Variants in RPE observed in about 807,000 individuals in gnomAD.
RPE encodes ribulose-5-phosphate-3-epimerase.
A neutral mutation model predicts 24.6 loss-of-function variants in RPE; 16 were observed. The ratio of observed to expected loss-of-function variants is 0.65; its 90% confidence interval spans 0.44 to 0.99. The LOEUF is 0.99. Ranked by LOEUF, RPE falls within the 50% of genes least tolerant of loss-of-function variation. RPE has a pLI of 0.00. For synonymous variants in RPE, 93 were observed against 98.4 expected, an observed-to-expected ratio of 0.94 and a Z score of 0.33; for missense variants, 240 against 294.5, an observed-to-expected ratio of 0.81 and a Z score of 1.35.
intron 4 of RPE, 85 bp downstream of exon 4, chr2:210,016,726 C>A: frequency 6.3e-7 from 1 of 1,581,066 alleles, no homozygotes; most frequent in Non-Finnish European, 8.6e-7. Context: ...TATATTTAGG[C>A]ATAACCTGTT....
chr2:210,004,236 T>G (rs2093600866), intron 1 of RPE, among the ~76,000 whole-genome samples: 1 of 152,178 alleles, frequency 6.6e-6, no homozygotes, highest in Non-Finnish European at 1.5e-5. Flanking sequence ...TATGTTTGAG[T>G]AAGTTAATGG....
Position 210,022,070 on chromosome 2 carries a change from G to GTCT in RPE, c.*2283_*2285dup, listed in dbSNP as rs1435159179. On this transcript the variant is annotated 3_prime_UTR_variant, in exon 6 of 6. Coordinates refer to ENST00000359429, the MANE Select transcript of RPE (RefSeq NM_199229.3). ...GTTTGTGGCTCATTTTAAAACTGGTGTCTTCTCTTCATGAGACACATTAAT... is the reference window on the plus strand; with the variant it reads ...GTTTGTGGCTCATTTTAAAACTGGTGTCTTCTTCTCTTCATGAGACACATTAAT... 3 of 146,620 alleles carry GTCT rather than the reference G, an allele frequency of 2.0e-5. No homozygotes were observed. The highest frequency in any genetic ancestry group is 4.5e-5 in the Non-Finnish European group (3 of 67,164). 9.1% of individuals were successfully genotyped at this position (146,620 alleles called of 1,614,324 possible).
intron 2 of RPE, among the ~76,000 whole-genome samples, chr2:210,014,454 G>T (rs1160570169): frequency 6.6e-6 from 1 of 152,102 alleles, no homozygotes; most frequent in Non-Finnish European, 1.5e-5. Flanking sequence ...AGAAACACCA[G>T]ATTTAATACA....
chr2:210,008,852 C>T (rs2125063315), intron 1 of RPE, among the ~76,000 whole-genome samples: 1 of 152,096 alleles, frequency 6.6e-6, no homozygotes, highest in East Asian at 1.9e-4. Context: ...CATGCCACCA[C>T]TCCCAGCTAA....
chr2:210,017,102 C>T (rs143731616), intron 4 of RPE, among the ~76,000 whole-genome samples: 1 of 152,152 alleles, frequency 6.6e-6, no homozygotes, highest in Non-Finnish European at 1.5e-5. Context: ...CCTTGGTCTG[C>T]CAAAGTGTTG....
intron 2 of RPE, among the ~76,000 whole-genome samples, chr2:210,012,894 T>A (rs1051345335): frequency 6.6e-6 from 1 of 152,240 alleles, no homozygotes; most frequent in Non-Finnish European, 1.5e-5. Context: ...TCTGTCACTA[T>A]TTGTAAGATG....
intron 2 of RPE, among the ~76,000 whole-genome samples, chr2:210,015,010 T>G (rs2093750936): frequency 6.6e-6 from 1 of 152,226 alleles, no homozygotes; most frequent in African/African-American, 2.4e-5. Context: ...TTTATATGAA[T>G]CAAGCTTTAG....
chr2:210,011,962 G>A (rs934085943), intron 2 of RPE, among the ~76,000 whole-genome samples: 3 of 151,464 alleles, frequency 2.0e-5, no homozygotes, highest in African/African-American at 4.9e-5. Context: ...GATAGTAGGT[G>A]TAAGTCACTG....
At chr2:210,009,548 T>C (rs990528418) in intron 1 of RPE, 109 bp from the exon 2 acceptor site, 10 of 1,442,504 alleles carry the variant, frequency 6.9e-6, no homozygotes, top group African/African-American at 1.4e-5. Flanking sequence ...AAGTATTAAA[T>C]TGAAAAACAT....
At chr2:210,011,776 A>T (rs1001607964) in intron 2 of RPE, among the ~76,000 whole-genome samples, 3 of 150,352 alleles carry the variant, frequency 2.0e-5, no homozygotes, top group African/African-American at 4.9e-5. Flanking sequence ...GGCTCAAGCA[A>T]TCCTCCCGCC....
intron 2 of RPE, among the ~76,000 whole-genome samples, chr2:210,013,786 C>T (rs942240760): frequency 2.0e-5 from 3 of 151,894 alleles, no homozygotes; most frequent in South Asian, 2.1e-4. Flanking sequence ...CTTGAGCCAC[C>T]GCACCTAGCC....
intron 2 of RPE, among the ~76,000 whole-genome samples, chr2:210,013,478 G>A (rs1444009032): frequency 6.6e-6 from 1 of 151,888 alleles, no homozygotes. Flanking sequence ...ACCATGCCTA[G>A]CTAATTATTC....
chr2:210,003,507 A>G (rs573571108), intron 1 of RPE: 18 of 1,231,390 alleles, frequency 1.5e-5, no homozygotes, highest in Non-Finnish European at 1.1e-5. Flanking sequence ...AGCACATAAT[A>G]TTGTTTGGAG....
Position 210,021,824 on chromosome 2 carries a change from C to CTT in RPE, c.*2034_*2035dup, listed in dbSNP as rs2093861181. The CTT allele has an allele frequency of 6.6e-6, 1 of 151,320 alleles. No homozygotes were observed. Among genetic ancestry groups the CTT allele is most frequent in the Non-Finnish European group, 1.5e-5 (1 of 67,816 alleles). 9.4% of individuals were successfully genotyped at this position (151,320 alleles called of 1,614,324 possible). ...AAAGGAATTTTCTTTCATGTATACT[C>CTT]TTCAGTATCCAATATTGAAGCTTTG... On this transcript the variant is annotated 3_prime_UTR_variant, in exon 6 of 6. Transcript: ENST00000359429.
intron 2 of RPE, among the ~76,000 whole-genome samples, chr2:210,014,385 G>A (rs188289324): frequency 1.3e-5 from 2 of 152,222 alleles, no homozygotes; most frequent in East Asian, 1.9e-4. Context: ...CACCGCGCCC[G>A]GCCTGGAGTA....
Position 210,017,556 on chromosome 2 carries a change from A to G in RPE, c.561A>G (p.Ala187=). 1 of 1,613,972 alleles carries G rather than the reference A, an allele frequency of 6.2e-7. No homozygotes were observed. Among genetic ancestry groups the G allele is most frequent in the East Asian group, 2.2e-5 (1 of 44,852 alleles). The change falls in exon 5 of 6, where the codon GCA becomes GCG. Residue 187 remains alanine (A), a synonymous_variant. Transcript: ENST00000359429. Reference sequence around the variant, plus strand: ...GTCCTGACACTGTCCATAAATGTGCAGAGGTGAGATTGCTCTTCAACTATG... The same window carrying G: ...GTCCTGACACTGTCCATAAATGTGCGGAGGTGAGATTGCTCTTCAACTATG... The part of the protein sequence containing the change: ...GVGPDTVHKC[A]EAGANMIVSG...
At position 210,002,797 on chromosome 2, in the gene RPE, G is replaced by A. The variant is rs761377187; in HGVS notation, c.122+14G>A. 6.2e-7 allele frequency: 1 copy of A among 1,614,112 alleles called. No homozygotes were observed. The stretch of plus-strand genomic sequence containing the variant: ...CGTAATGGACGGGTAACTCCTCCGG[G>A]CTCCGGTCGGGCTTGCCGCGCGGCG... On this transcript the variant is annotated intron_variant, in intron 1 of 5. Transcript: ENST00000359429.
Position 210,016,305 on chromosome 2 carries a change from G to A in RPE, c.342+193G>A, listed in dbSNP as rs749921078. The A allele has an allele frequency of 4.8e-5, 77 of 1,599,592 alleles. No homozygotes were observed. The South Asian group carries it at 8.1e-4, about 17-fold the overall frequency. ...AGCTGTTCTTCAGCTATGATGCCAG[G>A]ATTTAACTTCTTTGTCACATAGCAT... On this transcript the variant is annotated intron_variant, in intron 3 of 5. Transcript: ENST00000359429.
rs982728570 is a variant in RPE at position 210,018,675 on chromosome 2, G to A, written c.565-994G>A. 3.3e-5 allele frequency: 33 copies of A among 985,322 alleles called. No homozygotes were observed. In the African/African-American group the frequency reaches 5.6e-4, roughly 17 times the overall value. 61.0% of individuals were successfully genotyped at this position (985,322 alleles called of 1,614,324 possible). ...TTGTGGAATTGCTTTGTACTAAACTGTGCTTTGCCAGTATACTATTCCTGC... is the reference window on the plus strand; with the variant it reads ...TTGTGGAATTGCTTTGTACTAAACTATGCTTTGCCAGTATACTATTCCTGC... On this transcript the variant is annotated intron_variant, in intron 5 of 5. Transcript: ENST00000359429.
Sources: allele counts gnomAD v4.1 joint callset (sites outside exome capture counted in the v4.1 genomes callset), GRCh38; gene constraint gnomAD v4.1.1; transcripts MANE v1.5; gene names NCBI Gene and HGNC (gene_info 2026-07-23, HGNC 2026-07-21).